The following NINL variants were observed in gnomAD, a reference collection of about 807,000 sequenced individuals.
NINL encodes the protein ninein like, also known as ninein-like protein.
In NINL, 153 loss-of-function variants were observed where a neutral mutation model predicts 160.3. That is an observed-to-expected ratio of 0.95 (90% CI 0.84 to 1.09). The LOEUF is 1.09. NINL is among the 50% of genes least tolerant of loss of function. The pLI is 0.00. For synonymous variants in NINL, 800 were observed against 734.8 expected, an observed-to-expected ratio of 1.09 and a Z score of -1.43; for missense variants, 1,829 against 1,764.0, an observed-to-expected ratio of 1.04 and a Z score of -0.66.
intron 5 of NINL, among the ~76,000 whole-genome samples, chr20:25,510,126 C>T (rs1462902920): frequency 6.6e-6 from 1 of 152,252 alleles, no homozygotes; most frequent in Non-Finnish European, 1.5e-5. Context: ...AGGCTGCATG[C>T]TATGATTTGC....
chr20:25,476,292 C>G lies in NINL; in HGVS notation c.2999G>C (p.Arg1000Pro), dbSNP rs768434948. The G allele has an allele frequency of 6.8e-6, 11 of 1,613,340 alleles. No homozygotes were observed. The highest frequency in any genetic ancestry group is 1.1e-5 in the South Asian group (1 of 91,056). ...CCCAGGCTCCAGGGCGCCCTCGGCC[C>G]GGGCCTGCTGCTCCGAGGCCTGCTC... ...TQEQASEQQA[R>P]AEGALEPGCH... Residue 1000 changes from arginine (R) to proline (P), a missense_variant, in exon 17 of 24, where the codon CGG becomes CCG. By Grantham distance (103) the Arg-to-Pro change is moderately radical. Coordinates refer to ENST00000278886, the MANE Select transcript of NINL (RefSeq NM_025176.6).
intron 22 of NINL, among the ~76,000 whole-genome samples, chr20:25,457,697 G>A (rs1209733027): frequency 1.3e-5 from 2 of 152,200 alleles, no homozygotes; most frequent in Non-Finnish European, 2.9e-5. Context: ...CTCTCCTGAA[G>A]TCTGTCCCTG....
chr20:25,484,020 C>T (rs746658151), intron 13 of NINL, among the ~76,000 whole-genome samples: 5 of 152,088 alleles, frequency 3.3e-5, no homozygotes, highest in Admixed American at 6.6e-5. Flanking sequence ...GGGCAGCTGC[C>T]GCCACCATGC....
At chr20:25,526,821 T>C (rs546332257) in intron 1 of NINL, among the ~76,000 whole-genome samples, 74 of 152,292 alleles carry the variant, frequency 4.9e-4, no homozygotes, top group African/African-American at 1.6e-3. Flanking sequence ...TGAGGATAAA[T>C]AGTCCTTCAG....
intron 15 of NINL, 53 bp from the exon 16 acceptor site, chr20:25,479,259 G>C (rs1228276287): frequency 8.4e-6 from 13 of 1,540,506 alleles, no homozygotes; most frequent in Non-Finnish European, 1.1e-5. Context: ...GAATGATCTT[G>C]CTGCTGACGT....
intron 1 of NINL, among the ~76,000 whole-genome samples, chr20:25,557,626 A>G (rs1036126771): frequency 6.6e-6 from 1 of 152,212 alleles, no homozygotes; most frequent in Non-Finnish European, 1.5e-5. Context: ...ATATATCATA[A>G]ATGTATAAGC....
chr20:25,503,716 G>A (rs111808144), intron 7 of NINL, among the ~76,000 whole-genome samples: 27 of 152,352 alleles, frequency 1.8e-4, no homozygotes, highest in African/African-American at 5.5e-4. Flanking sequence ...CTTGGAGAAG[G>A]TAACTCCCCT....
chr20:25,514,986 T>C (rs2064136108), intron 3 of NINL, among the ~76,000 whole-genome samples: 1 of 152,204 alleles, frequency 6.6e-6, no homozygotes, highest in Non-Finnish European at 1.5e-5. Context: ...CTATTAGGGC[T>C]GTGTAGAGGG....
intron 1 of NINL, among the ~76,000 whole-genome samples, chr20:25,570,431 C>G (rs2147167933): frequency 6.6e-6 from 1 of 152,116 alleles, no homozygotes; most frequent in South Asian, 2.1e-4. Context: ...CTCGCTTGCT[C>G]TCTCATGCTC....
chr20:25,481,870 A>T, intron 14 of NINL, 98 bp downstream of exon 14: 1 of 1,496,618 alleles, frequency 6.7e-7, no homozygotes, highest in Non-Finnish European at 9.0e-7. Context: ...TCACAGCAAC[A>T]TCATCATCTT....
At chr20:25,559,073 C>T (rs551867119) in intron 1 of NINL, among the ~76,000 whole-genome samples, 5 of 152,326 alleles carry the variant, frequency 3.3e-5, no homozygotes, top group Non-Finnish European at 7.3e-5. Flanking sequence ...GAGACTTGCA[C>T]AACTTTGCTC....
At chr20:25,514,497 T>C (rs2064129312) in intron 3 of NINL, among the ~76,000 whole-genome samples, 1 of 152,158 alleles carries the variant, frequency 6.6e-6, no homozygotes, top group Admixed American at 6.5e-5. Context: ...GGCCATGTGG[T>C]AGAGAAGAAA....
At chr20:25,524,737 T>A (rs1352206164) in intron 2 of NINL, among the ~76,000 whole-genome samples, 1 of 152,118 alleles carries the variant, frequency 6.6e-6, no homozygotes, top group Non-Finnish European at 1.5e-5. Flanking sequence ...CCTGTAAACA[T>A]AAAGTGAAGA....
At chr20:25,505,238 G>A (rs974946916) in intron 5 of NINL, among the ~76,000 whole-genome samples, 160 bp from the exon 6 acceptor site, 2 of 151,556 alleles carry the variant, frequency 1.3e-5, no homozygotes, top group African/African-American at 4.8e-5. Context: ...CAAACACCGT[G>A]AGATCTCACT....
chr20:25,535,062 T>C (rs746942410), intron 1 of NINL, among the ~76,000 whole-genome samples: 1 of 152,244 alleles, frequency 6.6e-6, no homozygotes, highest in East Asian at 1.9e-4. Context: ...TACTTCTGTG[T>C]ACAATGAAAT....
At chr20:25,496,121 G>C (rs2146737474) in intron 10 of NINL, among the ~76,000 whole-genome samples, 1 of 152,274 alleles carries the variant, frequency 6.6e-6, no homozygotes, top group East Asian at 1.9e-4. Flanking sequence ...ACTCCAGCCT[G>C]GGATACAGAG....
chr20:25,469,858 A>T, intron 18 of NINL, 133 bp downstream of exon 18: 1 of 663,494 alleles, frequency 1.5e-6, no homozygotes, highest in South Asian at 1.9e-5. Context: ...AACAAGGCTC[A>T]TGGTTTAGGG....
intron 21 of NINL, among the ~76,000 whole-genome samples, chr20:25,460,603 A>G (rs757395232): frequency 2.0e-4 from 31 of 152,158 alleles, no homozygotes; most frequent in Non-Finnish European, 1.8e-4. Context: ...GGGTGCCTCA[A>G]ATAGGCAGAG....
chr20:25,502,226 C>A (rs1183640630), intron 7 of NINL, among the ~76,000 whole-genome samples: 2 of 152,190 alleles, frequency 1.3e-5, no homozygotes, highest in Non-Finnish European at 2.9e-5. Flanking sequence ...AAATGATCCG[C>A]CCGCCTTGGC....
Sources: gnomAD v4.1 joint callset for allele counts (sites outside exome capture counted in the v4.1 genomes callset) on GRCh38, gnomAD v4.1.1 for gene constraint, MANE v1.5 for transcripts, NCBI Gene and HGNC (gene_info 2026-07-23, HGNC 2026-07-21) for gene names.